Variants in CDK12 observed in about 807,000 individuals in gnomAD.
CDK12 encodes the protein cyclin-dependent kinase 12.
In CDK12, 17 loss-of-function variants were observed where a neutral mutation model predicts 133.8. The ratio of observed to expected loss-of-function variants is 0.13; its 90% CI spans 0.09 to 0.19. The LOEUF (loss-of-function observed/expected upper bound fraction) is 0.19, where lower values mean the gene tolerates loss of function less well. Ranked by LOEUF, CDK12 falls within the 10% of genes least tolerant of loss-of-function variation. The probability of loss-of-function intolerance (pLI) is 1.00; values close to 1 mark genes in which losing one functional copy is unlikely to be tolerated. For synonymous variants in CDK12, 694 were observed against 683.6 expected, an observed-to-expected ratio of 1.02 and a Z score of -0.24; for missense variants, 1,508 against 1,818.7, an observed-to-expected ratio of 0.83 and a Z score of 3.11.
chr17:39,533,556 G>T lies in CDK12; in HGVS notation c.*2240G>T, dbSNP rs769311961. The stretch of plus-strand genomic sequence containing the variant: ...TCTCTATATATTTCATTGTATTTTG[G>T]TTATCAGCAGTCATCAATAATGTTT... On this transcript the variant is annotated 3_prime_UTR_variant, in exon 14 of 14. Transcript: ENST00000447079. 13 of 232,932 alleles carry T rather than the reference G, an allele frequency of 5.6e-5. No homozygotes were observed. Among genetic ancestry groups the T allele is most frequent in the Non-Finnish European group, 1.1e-4 (13 of 117,928 alleles). The allele number at this position is 232,932 out of a possible 1,614,324, so 14.4% of individuals were successfully genotyped here.
intron 6 of CDK12, among the ~76,000 whole-genome samples, chr17:39,502,504 T>C (rs1311928366): frequency 6.6e-6 from 1 of 152,224 alleles, no homozygotes; most frequent in Non-Finnish European, 1.5e-5. Flanking sequence ...GGAAAGATTA[T>C]GACACATTTC....
intron 1 of CDK12, among the ~76,000 whole-genome samples, chr17:39,540,658 TC>T (rs905340034): frequency 2.0e-5 from 3 of 152,044 alleles, no homozygotes; most frequent in African/African-American, 7.2e-5. Flanking sequence ...CCTTTTTCTG[TC>T]CCTCCCTAGG....
At chr17:39,511,133 T>G (rs2053478653) in intron 7 of CDK12, among the ~76,000 whole-genome samples, 2 of 143,724 alleles carry the variant, frequency 1.4e-5, no homozygotes, top group Non-Finnish European at 3.0e-5. Flanking sequence ...GAGAATGGCG[T>G]GAACCTGGGA....
At chr17:39,521,754 G>T (rs929373960) in intron 11 of CDK12, among the ~76,000 whole-genome samples, 14 of 151,962 alleles carry the variant, frequency 9.2e-5, no homozygotes, top group Admixed American at 4.6e-4. Flanking sequence ...TAGAGACAGG[G>T]TTTCACCATG....
intron 2 of CDK12, among the ~76,000 whole-genome samples, chr17:39,485,343 T>C (rs911518481): frequency 1.3e-5 from 2 of 151,476 alleles, no homozygotes; most frequent in East Asian, 1.9e-4. Flanking sequence ...CCCAGCACTT[T>C]AGGAGGCCAA....
chr17:39,509,849 T>C, intron 7 of CDK12, 88 bp downstream of exon 7: 2 of 991,728 alleles, frequency 2.0e-6, no homozygotes, highest in East Asian at 2.4e-5. Flanking sequence ...TTGCTCAGGC[T>C]GGAGTGCGTG....
At chr17:39,521,722 A>C (rs2054182601) in intron 11 of CDK12, among the ~76,000 whole-genome samples, 1 of 151,376 alleles carries the variant, frequency 6.6e-6, no homozygotes, top group Non-Finnish European at 1.5e-5. Context: ...ACCACGCCCG[A>C]CTAATTTTTT....
rs59717653 is a variant in CDK12 at position 39,550,976 on chromosome 17, C to CA, written n.252-43dup. 5.7e-3 allele frequency: 637 copies of CA among 112,630 alleles called. 5 individuals are homozygous for CA. The highest frequency in any genetic ancestry group is 0.02 in the African/African-American group (542 of 27,148). 7.0% of individuals were successfully genotyped at this position (112,630 alleles called of 1,614,324 possible). A position where few individuals can be genotyped will look rare whatever the true frequency, so the allele number is the denominator to read the frequency against. On this transcript the variant is annotated intron_variant and non_coding_transcript_variant, in intron 1 of 3. Coordinates refer to the CDK12 transcript ENST00000558240. The stretch of plus-strand genomic sequence containing the variant: ...TGGGCAACAGAGCAAGACTCTGTCT[C>CA]AAAAAAAAAAAAAAAAAAAGGGAAC...
At chr17:39,544,918 C>G (rs1055851376), upstream of CDK12, among the ~76,000 whole-genome samples, 1 of 152,178 alleles carries the variant, frequency 6.6e-6, no homozygotes, top group Non-Finnish European at 1.5e-5. Context: ...GCGTGAGCCA[C>G]CGCACCAGGC....
chr17:39,532,101 TTTCTCTCTCTC>T lies in CDK12; in HGVS notation c.*787_*797del, dbSNP rs2054883464. ...TGCTGATGTGTGCTCTCTCTCTCTC[TTTCTCTCTCTC>T]TCTCTCTCTCTCTCTCTCTCTCTCT... On this transcript the variant is annotated 3_prime_UTR_variant, in exon 14 of 14. Coordinates refer to ENST00000447079, the MANE Select transcript of CDK12 (RefSeq NM_016507.4). The T allele has an allele frequency of 1.6e-5, 3 of 181,948 alleles. No individual in the cohort carries two copies. Among genetic ancestry groups the T allele is most frequent in the Non-Finnish European group, 3.1e-5 (3 of 96,336 alleles). 11.3% of individuals were successfully genotyped at this position (181,948 alleles called of 1,614,324 possible). A position where few individuals can be genotyped will look rare whatever the true frequency, so the allele number is the denominator to read the frequency against.
intron 3 of CDK12, among the ~76,000 whole-genome samples, chr17:39,558,128 A>G (rs961545783): frequency 1.3e-5 from 2 of 152,168 alleles, no homozygotes; most frequent in Non-Finnish European, 2.9e-5. Context: ...TAAAGGCCAA[A>G]TGTATGTGCA....
At chr17:39,503,114 G>A (rs1203333233) in intron 6 of CDK12, among the ~76,000 whole-genome samples, 1 of 152,154 alleles carries the variant, frequency 6.6e-6, no homozygotes, top group Admixed American at 6.6e-5. Flanking sequence ...GTCTCACTCT[G>A]TCGCCCAGGC....
At chr17:39,478,146 C>T (rs1382764316) in intron 2 of CDK12, among the ~76,000 whole-genome samples, 1 of 150,216 alleles carries the variant, frequency 6.7e-6, no homozygotes, top group Admixed American at 6.7e-5. Flanking sequence ...ATCCTTCCAC[C>T]TTGGCATCCC....
intron 1 of CDK12, among the ~76,000 whole-genome samples, chr17:39,542,674 C>A (rs1450784793): frequency 6.6e-6 from 1 of 150,920 alleles, no homozygotes; most frequent in Admixed American, 6.6e-5. Flanking sequence ...CCATGCCCGG[C>A]TAATTTTGTA....
chr17:39,518,400 C>A lies in CDK12; in HGVS notation c.2963+844C>A, dbSNP rs2053946692. ...CAGGCTGGTCTTGAGCTCCTGGGCT[C>A]AAGTGCTCTTCCTGCCTCAGCCCCC... On this transcript the variant is annotated intron_variant, in intron 10 of 13. Coordinates refer to ENST00000447079, the MANE Select transcript of CDK12 (RefSeq NM_016507.4). 1.3e-5 allele frequency among the ~76,000 whole-genome samples: 2 copies of A among 151,716 alleles called. 1 individual carries two copies. The highest frequency in any genetic ancestry group is 6.9e-3 in the Middle Eastern group (2 of 288).
rs145738006 is a variant in CDK12, at chr17:39,470,682, A to C, written c.1047-197A>C. The stretch of plus-strand genomic sequence containing the variant: ...TCTGTTCCAGGATCTTACTCATTAT[A>C]CCATCTTACATTTAGTCCTGTCTCC... On this transcript the variant is annotated intron_variant, in intron 1 of 13. Transcript: ENST00000447079. Among the ~76,000 whole-genome samples the C allele has an allele frequency of 9.6e-4, 146 of 152,244 alleles. 1 individual carries two copies. Among genetic ancestry groups the C allele is most frequent in the African/African-American group, 3.3e-3 (138 of 41,558 alleles).
chr17:39,501,825 A>G (rs2052735083), intron 6 of CDK12, among the ~76,000 whole-genome samples: 1 of 150,500 alleles, frequency 6.6e-6, no homozygotes, highest in African/African-American at 2.4e-5. Context: ...CAGATGTATT[A>G]TGCACACTAG....
In CDK12 at chr17:39,526,194, T is replaced by C. The variant is rs762902308; in HGVS notation, c.3638T>C (p.Leu1213Pro). The change falls in exon 13 of 14, where the codon CTC becomes CCC. Residue 1213 changes from leucine to proline, a missense_variant. Physicochemically the swap from Leu to Pro is moderately conservative, Grantham distance 98 (BLOSUM62 -3). Around this residue, in one of 9 missense-constraint regions of CDK12, gnomAD observed 399 missense variants for 469.6 expected, o/e 0.85. Coordinates refer to ENST00000447079, the MANE Select transcript of CDK12 (RefSeq NM_016507.4). ...GACATGCAGAATATATTGGCAGTTC[T>C]CTTGAGTCAGCTGATGAAAACCCAA... ...PADMQNILAV[L>P]LSQLMKTQEP... The C allele has an allele frequency of 6.2e-7, 1 of 1,614,178 alleles. No homozygotes were observed. Among genetic ancestry groups the C allele is most frequent in the South Asian group, 1.1e-5 (1 of 91,078 alleles).
At chr17:39,513,466 G>A (rs1221629795) in intron 8 of CDK12, among the ~76,000 whole-genome samples, 1 of 152,148 alleles carries the variant, frequency 6.6e-6, no homozygotes, top group African/African-American at 2.4e-5. Context: ...CTCAAGCTGG[G>A]TGTGTTTTTG....
Sources: allele counts gnomAD v4.1 joint callset (sites outside exome capture counted in the v4.1 genomes callset), GRCh38; gene constraint gnomAD v4.1.1; regional missense constraint gnomAD v4.1.1; transcripts MANE v1.5; gene names NCBI Gene and HGNC (gene_info 2026-07-23, HGNC 2026-07-21).